The following COL5A1 variants were observed in gnomAD, a reference collection of about 807,000 sequenced individuals.
The protein encoded by COL5A1 is collagen alpha-1(V) chain.
A neutral mutation model predicts 263.7 loss-of-function variants in COL5A1; 16 were observed. That is an observed-to-expected ratio of 0.06 (90% CI 0.04 to 0.09). COL5A1 has a LOEUF of 0.09. COL5A1 is among the 10% of genes least tolerant of loss of function. The probability of loss-of-function intolerance (pLI) is 1.00; values close to 1 mark genes in which losing one functional copy is unlikely to be tolerated. For synonymous variants in COL5A1, 1,012 were observed against 1,004.5 expected (o/e 1.01, Z -0.14); for missense variants, 2,036 against 2,540.5 (o/e 0.80, Z 4.27).
At position 134,784,973 on chromosome 9, in the gene COL5A1, C is replaced by A; in HGVS notation, c.2485-16C>A. ...GCGGGGGGTGGTCTTCTCACCTCCT[C>A]TTTTCTGGCTTGCAGGGGGAGATCG... On this transcript the variant is annotated splice_polypyrimidine_tract_variant and intron_variant, in intron 29 of 65. Coordinates refer to ENST00000371817, the MANE Select transcript of COL5A1 (RefSeq NM_000093.5). 1.9e-6 allele frequency: 3 copies of A among 1,575,516 alleles called. No homozygotes were observed. The highest frequency in any genetic ancestry group is 2.6e-6 in the Non-Finnish European group (3 of 1,147,814).
chr9:134,795,122 C>G lies in COL5A1; in HGVS notation c.2741C>G (p.Pro914Arg). The change falls in exon 33 of 66, where the codon CCA becomes CGA. Residue 914 changes from proline to arginine, a missense_variant. Physicochemically the swap from Pro to Arg is moderately radical, Grantham distance 103. Coordinates refer to ENST00000371817, the MANE Select transcript of COL5A1 (RefSeq NM_000093.5). ...GKPGPRGQRGPTGPRGERGPR... is the reference protein window; with the variant it reads ...GKPGPRGQRGRTGPRGERGPR... ...CCAGGACCGCGGGGGCAGCGAGGCC[C>G]AACGGTAACCACCCTTTCAGCTTGT... 1 of 1,614,074 alleles carries G rather than the reference C, an allele frequency of 6.2e-7. No individual in the cohort carries two copies. The highest frequency in any genetic ancestry group is 8.5e-7 in the Non-Finnish European group (1 of 1,180,018).
Position 134,699,985 on chromosome 9 carries a change from C to T in COL5A1, c.354C>T (p.Ser118=), listed in dbSNP as rs748711211. The change falls in exon 3 of 66, where the codon TCC becomes TCT. Residue 118 remains serine (S), a synonymous_variant. Coordinates refer to ENST00000371817, the MANE Select transcript of COL5A1 (RefSeq NM_000093.5). ...AKKGSQAFLV[S]IYNEQGIQQI... ...AAGGCAGCCAGGCCTTCCTGGTCTC[C>T]ATCTACAACGAGCAGGGTATCCAGC... 32 of 1,613,896 alleles carry T rather than the reference C, an allele frequency of 2.0e-5. No individual in the cohort carries two copies. Among genetic ancestry groups the T allele is most frequent in the East Asian group, 4.5e-5 (2 of 44,882 alleles).
chr9:134,756,952 C>T (rs749335775), intron 17 of COL5A1, 134 bp downstream of exon 17: 132 of 871,918 alleles, frequency 1.5e-4, no homozygotes, highest in Middle Eastern at 6.9e-4. Context: ...TGGCATTTGA[C>T]GTGAAGATAG....
chr9:134,799,107 T>C (rs3811157), intron 37 of COL5A1, among the ~76,000 whole-genome samples: 82,454 of 152,072 alleles, frequency 0.54, 22,915 homozygotes, highest in East Asian at 0.77. Flanking sequence ...CACATGGTCT[T>C]TGTAGTCAGA....
At chr9:134,730,513 G>A in intron 7 of COL5A1, 38 bp downstream of exon 7, 1 of 1,612,718 alleles carries the variant, frequency 6.2e-7, no homozygotes, top group Non-Finnish European at 8.5e-7. Context: ...GTCTGGGGCA[G>A]TGGGCCAAGG....
intron 1 of COL5A1, among the ~76,000 whole-genome samples, chr9:134,685,476 C>CCATTCATT: frequency 8.7e-6 from 1 of 115,494 alleles, no homozygotes; most frequent in African/African-American, 3.5e-5. Flanking sequence ...ATTCATCCAT[C>CCATTCATT]CATCCATCCG....
At chr9:134,744,512 T>C (rs1032388125) in intron 11 of COL5A1, among the ~76,000 whole-genome samples, 92 of 146,900 alleles carry the variant, frequency 6.3e-4, no homozygotes, top group Non-Finnish European at 9.0e-4. Flanking sequence ...CACACACTCA[T>C]GCACACCCCC....
rs1019238182 is a variant in COL5A1, at chr9:134,681,869, C to T, written c.110-9043C>T. Among the ~76,000 whole-genome samples, 8 of 152,102 alleles carry T rather than the reference C, an allele frequency of 5.3e-5. No individual in the cohort carries two copies. Among genetic ancestry groups the T allele is most frequent in the Non-Finnish European group, 7.4e-5 (5 of 68,004 alleles). On this transcript the variant is annotated intron_variant, in intron 1 of 65. Transcript: ENST00000371817. The surrounding 1 kb of genome is among the most constrained non-coding windows in gnomAD (Gnocchi z 4.3). Reference sequence around the variant, plus strand: ...CTGCAGAAACCTCCCCTCTCTTCCTCGCTCTTCCTCTCTTTCTCTCTCTGT... The same window carrying T: ...CTGCAGAAACCTCCCCTCTCTTCCTTGCTCTTCCTCTCTTTCTCTCTCTGT...
intron 1 of COL5A1, among the ~76,000 whole-genome samples, chr9:134,666,765 C>G (rs1832373044): frequency 6.6e-6 from 1 of 152,210 alleles, no homozygotes. Flanking sequence ...CAAACCTGGG[C>G]TGGCCTTGAT....
intron 57 of COL5A1, 63 bp downstream of exon 57, chr9:134,819,116 TCTC>T (rs1226736044): frequency 6.6e-7 from 1 of 1,519,210 alleles, no homozygotes; most frequent in East Asian, 2.2e-5. Flanking sequence ...TGGCCGTGGG[TCTC>T]AAACTCAACA....
At chr9:134,770,921 C>A (rs140802179) in intron 25 of COL5A1, among the ~76,000 whole-genome samples, 18 of 152,340 alleles carry the variant, frequency 1.2e-4, no homozygotes, top group East Asian at 3.9e-4. Context: ...TGCTTCCCCC[C>A]ACTGCTTTAC....
At chr9:134,730,559 T>C in intron 7 of COL5A1, 84 bp downstream of exon 7, 1 of 1,587,002 alleles carries the variant, frequency 6.3e-7, no homozygotes, top group South Asian at 1.1e-5. Context: ...GCTCCCTTCT[T>C]ACTCCAGTTC....
At chr9:134,725,343 A>G (rs1032309466) in intron 4 of COL5A1, among the ~76,000 whole-genome samples, 2 of 152,210 alleles carry the variant, frequency 1.3e-5, no homozygotes, top group Non-Finnish European at 2.9e-5. Context: ...GGGCACAGAG[A>G]GACCAGGTGC....
In COL5A1 at chr9:134,657,619, A is replaced by C. The variant is rs186923127; in HGVS notation, c.109+15323A>C. Reference sequence around the variant, plus strand: ...AGGGTGGGTTGGGGGTGTAGTTTATAGATAATATGGGGGGTGGGGTAGGGG... The same window carrying C: ...AGGGTGGGTTGGGGGTGTAGTTTATCGATAATATGGGGGGTGGGGTAGGGG... On this transcript the variant is annotated intron_variant, in intron 1 of 65. Transcript: ENST00000371817. Among the ~76,000 whole-genome samples, 502 of 83,466 alleles carry C rather than the reference A, an allele frequency of 6.0e-3. 14 individuals are homozygous for C. Among genetic ancestry groups the C allele is most frequent in the East Asian group, 0.028 (73 of 2,654 alleles). 54.8% of individuals were successfully genotyped at this position (83,466 alleles called of 152,430 possible). A position where few individuals can be genotyped will look rare whatever the true frequency, so the allele number is the denominator to read the frequency against.
In COL5A1 at chr9:134,677,216, T is replaced by C. The variant is rs953803380; in HGVS notation, c.110-13696T>C. Among the ~76,000 whole-genome samples the C allele has an allele frequency of 4.6e-5, 7 of 152,110 alleles. No homozygotes were observed. The highest frequency in any genetic ancestry group is 1.7e-4 in the African/African-American group (7 of 41,402). The stretch of plus-strand genomic sequence containing the variant: ...ACCTTGAATATTCAGAATAACTTAC[T>C]TGAGAGTGGGAAGCCTGAAAGTCCA... On this transcript the variant is annotated intron_variant, in intron 1 of 65. Coordinates refer to ENST00000371817, the MANE Select transcript of COL5A1 (RefSeq NM_000093.5). The surrounding 1 kb of genome is among the most constrained non-coding windows in gnomAD (Gnocchi z 4.4).
chr9:134,820,255 T>G, intron 58 of COL5A1, 32 bp downstream of exon 58: 1 of 1,560,836 alleles, frequency 6.4e-7, no homozygotes, highest in Non-Finnish European at 8.8e-7. Context: ...GCATGTGGGC[T>G]GTCGAGAGGC....
At chr9:134,739,508 G>C (rs1177094881) in intron 11 of COL5A1, among the ~76,000 whole-genome samples, 1 of 152,256 alleles carries the variant, frequency 6.6e-6, no homozygotes, top group East Asian at 1.9e-4. Flanking sequence ...CCTGCCTGCT[G>C]TCCGGGGCAG....
intron 37 of COL5A1, among the ~76,000 whole-genome samples, chr9:134,799,068 A>G (rs1838019652): frequency 6.6e-6 from 1 of 152,182 alleles, no homozygotes; most frequent in African/African-American, 2.4e-5. Context: ...GTCAGGTGGA[A>G]GTGGCCTCTA....
At chr9:134,774,642 G>C (rs980225504) in intron 26 of COL5A1, among the ~76,000 whole-genome samples, 2 of 152,152 alleles carry the variant, frequency 1.3e-5, no homozygotes, top group African/African-American at 4.8e-5. Context: ...TCACCTCTGT[G>C]TCCCGCTCAG....
Sources: gnomAD v4.1 joint callset for allele counts (sites outside exome capture counted in the v4.1 genomes callset) on GRCh38, gnomAD v4.1.1 for gene constraint, Gnocchi (gnomAD v3.1) non-coding constraint, MANE v1.5 for transcripts, NCBI Gene and HGNC (gene_info 2026-07-23, HGNC 2026-07-21) for gene names.